Variants in HPSE2 observed in about 807,000 individuals in gnomAD.
HPSE2 encodes heparanase 2 (inactive).
In HPSE2, 38 loss-of-function variants were observed where a neutral mutation model predicts 60.5. The ratio of observed to expected loss-of-function variants is 0.63; its 90% CI spans 0.48 to 0.82. The LOEUF (loss-of-function observed/expected upper bound fraction) is 0.82. Among genes scored for constraint, HPSE2 ranks in the 40% least tolerant of loss-of-function variants. The pLI, the probability that HPSE2 is intolerant of heterozygous loss-of-function variation, is 0.00. For missense variants in HPSE2, 713 were observed against 740.4 expected, an observed-to-expected ratio of 0.96 and a Z score of 0.43; for synonymous variants, 295 against 293.2, an observed-to-expected ratio of 1.01 and a Z score of -0.06.
intron 3 of HPSE2, among the ~76,000 whole-genome samples, chr10:99,004,668 T>C (rs1956852223): frequency 6.6e-6 from 1 of 152,206 alleles, no homozygotes; most frequent in Non-Finnish European, 1.5e-5. Context: ...TAAAGATATG[T>C]GATTTACATA....
At chr10:98,658,471 G>T (rs1379695935) in intron 6 of HPSE2, among the ~76,000 whole-genome samples, 1 of 152,080 alleles carries the variant, frequency 6.6e-6, no homozygotes, top group Non-Finnish European at 1.5e-5. Context: ...ACCCATGATG[G>T]GCAGGATTGG....
At chr10:98,632,990 C>T (rs939177193) in intron 7 of HPSE2, among the ~76,000 whole-genome samples, 4 of 151,984 alleles carry the variant, frequency 2.6e-5, no homozygotes, top group Admixed American at 2.6e-4. Flanking sequence ...ACTGGGTGCA[C>T]GTGCCTCTCC....
chr10:98,589,130 C>T lies in HPSE2; in HGVS notation c.1320+25774G>A, dbSNP rs561871100. The stretch of plus-strand genomic sequence containing the variant: ...TAGTGTAAGGACGATGGGTGCACTG[C>T]AGTCAAGTATAGGCCAAGGTACACA... On this transcript the variant is annotated intron_variant, in intron 9 of 11. Transcript: ENST00000370552. 2.6e-5 allele frequency among the ~76,000 whole-genome samples: 4 copies of T among 152,266 alleles called. No homozygotes were observed. The South Asian group carries it at 8.3e-4, about 32-fold the overall frequency.
intron 6 of HPSE2, among the ~76,000 whole-genome samples, chr10:98,643,190 G>T (rs1408602015): frequency 6.6e-6 from 1 of 152,124 alleles, no homozygotes; most frequent in Non-Finnish European, 1.5e-5. Flanking sequence ...TCCAGATCTG[G>T]TATTAATAAC....
At chr10:98,646,744 A>G (rs1454258522) in intron 6 of HPSE2, among the ~76,000 whole-genome samples, 1 of 152,188 alleles carries the variant, frequency 6.6e-6, no homozygotes, top group Non-Finnish European at 1.5e-5. Flanking sequence ...CAGTACAATA[A>G]TCTTCATCTT....
intron 6 of HPSE2, among the ~76,000 whole-genome samples, chr10:98,663,888 G>A (rs1947289715): frequency 6.6e-6 from 1 of 152,162 alleles, no homozygotes; most frequent in Non-Finnish European, 1.5e-5. Context: ...ATTCCTCTTT[G>A]TCAGACAAAG....
chr10:99,264,317 G>A, the HPSE2 span, among the ~76,000 whole-genome samples: 1 of 151,920 alleles, frequency 6.6e-6, no homozygotes, highest in Admixed American at 6.6e-5. Context: ...TTGATCTCCT[G>A]ACCTTGTGAT....
rs1041644842 is a variant in HPSE2, at chr10:98,552,241, C to T, written c.1321-62045G>A. 2.6e-5 allele frequency among the ~76,000 whole-genome samples: 4 copies of T among 152,130 alleles called. No homozygotes were observed. The South Asian group carries it at 8.3e-4, about 32-fold the overall frequency. ...AGGTAGCTAGTAAATGGTGCTGCCA[C>T]TTACTAGATGTGTGACCTTGGATAA... On this transcript the variant is annotated intron_variant, in intron 9 of 11. Transcript: ENST00000370552.
chr10:98,522,098 T>C (rs10883117), intron 9 of HPSE2, among the ~76,000 whole-genome samples: 122,370 of 151,562 alleles, frequency 0.81, 52,129 homozygotes, highest in East Asian at 0.96. Flanking sequence ...CAAACCTGCA[T>C]GTTGTGCACA....
At chr10:99,123,412 G>GA (rs1845036120) in intron 3 of HPSE2, among the ~76,000 whole-genome samples, 3 of 152,094 alleles carry the variant, frequency 2.0e-5, no homozygotes, top group South Asian at 2.1e-4. Flanking sequence ...CTGCTAGACT[G>GA]AAAAAAACTT....
At chr10:99,306,698 GT>G in the HPSE2 span, among the ~76,000 whole-genome samples, 4 of 152,038 alleles carry the variant, frequency 2.6e-5, no homozygotes, top group South Asian at 6.2e-4. Context: ...TTCTTCACTT[GT>G]TTTTTTGTTT....
At chr10:98,853,512 T>A (rs952509872) in intron 3 of HPSE2, among the ~76,000 whole-genome samples, 14 of 152,188 alleles carry the variant, frequency 9.2e-5, no homozygotes, top group African/African-American at 2.7e-4. Context: ...TGTCTCCTTA[T>A]CACCTCCCCT....
chr10:98,654,872 A>G (rs972917778), intron 6 of HPSE2, among the ~76,000 whole-genome samples: 6 of 152,172 alleles, frequency 3.9e-5, no homozygotes, highest in Non-Finnish European at 7.3e-5. Flanking sequence ...TGTGTTTGCT[A>G]TATCAGTAGA....
chr10:98,650,459 A>G (rs1490716420), intron 6 of HPSE2, among the ~76,000 whole-genome samples: 1 of 152,256 alleles, frequency 6.6e-6, no homozygotes, highest in Non-Finnish European at 1.5e-5. Flanking sequence ...AGTTCATAAT[A>G]GAAGAGGTTT....
chr10:98,458,354 C>T lies in HPSE2; in HGVS notation c.*1220G>A, dbSNP rs1940135082. 6.6e-6 allele frequency: 1 copy of T among 152,154 alleles called. No individual in the cohort carries two copies. Among genetic ancestry groups the T allele is most frequent in the African/African-American group, 2.4e-5 (1 of 41,404 alleles). 9.4% of individuals were successfully genotyped at this position (152,154 alleles called of 1,614,324 possible). ...GCTCATTGGCAAAGACCCTCATGCC[C>T]CTTGAATCATATAGAACGTCCTCAT... On this transcript the variant is annotated 3_prime_UTR_variant, in exon 12 of 12. Transcript: ENST00000370552.
At chr10:99,155,335 T>C (rs1846494746) in intron 2 of HPSE2, among the ~76,000 whole-genome samples, 1 of 139,356 alleles carries the variant, frequency 7.2e-6, no homozygotes, top group Non-Finnish European at 1.6e-5. Context: ...TATTCCAAAA[T>C]TGACCACATA....
At chr10:98,822,618 AG>A (rs1392096454) in intron 3 of HPSE2, among the ~76,000 whole-genome samples, 1 of 152,206 alleles carries the variant, frequency 6.6e-6, no homozygotes, top group Admixed American at 6.5e-5. Flanking sequence ...TCCAATTAAA[AG>A]ACAAAGACTG....
chr10:98,595,540 T>A (rs1044429918), intron 9 of HPSE2, among the ~76,000 whole-genome samples: 3 of 152,242 alleles, frequency 2.0e-5, no homozygotes, highest in Non-Finnish European at 2.9e-5. Flanking sequence ...ACTATTTTTA[T>A]ATATTGGTTT....
chr10:98,486,105 A>G (rs1308137647), intron 10 of HPSE2, among the ~76,000 whole-genome samples: 1 of 152,164 alleles, frequency 6.6e-6, no homozygotes, highest in Non-Finnish European at 1.5e-5. Flanking sequence ...GGCATTAAAG[A>G]CTGCCTCAGC....
Sources: gnomAD v4.1 joint callset for allele counts (sites outside exome capture counted in the v4.1 genomes callset) on GRCh38, gnomAD v4.1.1 for gene constraint, MANE v1.5 for transcripts, NCBI Gene and HGNC (gene_info 2026-07-23, HGNC 2026-07-21) for gene names.